CRLF3: variants seen among roughly 807,000 people sequenced by gnomAD.
CRLF3 encodes cytokine receptor like factor 3.
A neutral mutation model predicts 55.0 loss-of-function variants in CRLF3; 33 were observed. That is an observed-to-expected ratio of 0.60 (90% CI 0.46 to 0.80). The LOEUF is 0.80. Among genes scored for constraint, CRLF3 ranks in the 30% least tolerant of loss-of-function variants. The probability of loss-of-function intolerance (pLI) is 0.00; values close to 1 mark genes in which losing one functional copy is unlikely to be tolerated. For missense variants in CRLF3, 494 were observed against 538.4 expected, an observed-to-expected ratio of 0.92 and a Z score of 0.82; for synonymous variants, 238 against 196.8, an observed-to-expected ratio of 1.21 and a Z score of -1.75.
chr17:30,803,126 C>T lies in CRLF3; in HGVS notation c.337+775G>A, dbSNP rs540805565. On this transcript the variant is annotated intron_variant, in intron 2 of 7. Transcript: ENST00000324238. ...ACTGCAGTGAGCTCTGACAGCACCACTGCACTCCAGCCTGGGCAACAGAGC... is the reference window on the plus strand; with the variant it reads ...ACTGCAGTGAGCTCTGACAGCACCATTGCACTCCAGCCTGGGCAACAGAGC... Among the ~76,000 whole-genome samples, 512 of 151,512 alleles carry T rather than the reference C, an allele frequency of 3.4e-3. 4 individuals carry two copies. The highest frequency in any genetic ancestry group is 2.1e-3 in the Non-Finnish European group (141 of 67,892).
intron 1 of CRLF3, among the ~76,000 whole-genome samples, chr17:30,821,595 C>T (rs942308992): frequency 7.2e-5 from 11 of 152,044 alleles, no homozygotes; most frequent in Admixed American, 7.2e-4. Context: ...ATTATTCAGC[C>T]ATAAAAAGGT....
At chr17:30,814,559 A>C (rs1904724933) in intron 1 of CRLF3, among the ~76,000 whole-genome samples, 1 of 151,766 alleles carries the variant, frequency 6.6e-6, no homozygotes, top group Admixed American at 6.6e-5. Context: ...CAGGAGGCTG[A>C]GGCAGGAGAA....
intron 1 of CRLF3, among the ~76,000 whole-genome samples, chr17:30,824,213 A>G (rs1261698523): frequency 6.7e-6 from 1 of 148,944 alleles, no homozygotes; most frequent in Admixed American, 6.7e-5. Flanking sequence ...CACTACCCGC[A>G]TGACCCCCTC....
intron 6 of CRLF3, among the ~76,000 whole-genome samples, chr17:30,791,206 G>T (rs1421043358): frequency 6.6e-6 from 1 of 152,012 alleles, no homozygotes; most frequent in Non-Finnish European, 1.5e-5. Flanking sequence ...TAGTTGCTGG[G>T]ATTACAGGTG....
At chr17:30,798,989 A>T (rs574441129) in intron 2 of CRLF3, among the ~76,000 whole-genome samples, 1 of 152,294 alleles carries the variant, frequency 6.6e-6, no homozygotes, top group South Asian at 2.1e-4. Flanking sequence ...ATTAAAAAAC[A>T]TAGGCCAGGC....
At chr17:30,805,219 G>T (rs1057111341) in intron 1 of CRLF3, among the ~76,000 whole-genome samples, 3 of 151,966 alleles carry the variant, frequency 2.0e-5, no homozygotes, top group African/African-American at 7.2e-5. Flanking sequence ...TCATGGAGTT[G>T]CTGTGAGGAT....
intron 1 of CRLF3, among the ~76,000 whole-genome samples, chr17:30,814,835 C>T (rs1904734723): frequency 6.6e-6 from 1 of 151,856 alleles, no homozygotes; most frequent in Non-Finnish European, 1.5e-5. Context: ...AACCCCATCT[C>T]TACTAAAAAT....
intron 6 of CRLF3, among the ~76,000 whole-genome samples, chr17:30,791,771 C>G (rs1971807215): frequency 1.3e-5 from 2 of 151,994 alleles, no homozygotes; most frequent in Non-Finnish European, 2.9e-5. Flanking sequence ...CCGCCTCAGC[C>G]TCCCAAAGTG....
intron 1 of CRLF3, chr17:30,810,013 C>A (rs1904562420): frequency 6.6e-6 from 1 of 152,172 alleles, no homozygotes; most frequent in Non-Finnish European, 1.5e-5. Context: ...GCTAAAGACA[C>A]TTCTTGGTAT....
chr17:30,794,123 T>G (rs112469916), intron 4 of CRLF3, among the ~76,000 whole-genome samples: 230 of 152,278 alleles, frequency 1.5e-3, no homozygotes, highest in African/African-American at 4.9e-3. Flanking sequence ...CGTGAGACAC[T>G]GCGCCTGGGC....
intron 1 of CRLF3, among the ~76,000 whole-genome samples, chr17:30,816,163 T>G (rs756818001): frequency 6.6e-6 from 1 of 150,572 alleles, no homozygotes; most frequent in African/African-American, 2.4e-5. Flanking sequence ...GCACCTGTAG[T>G]CCCAGCTACT....
intron 7 of CRLF3, among the ~76,000 whole-genome samples, chr17:30,785,596 A>G (rs527291002): frequency 2.0e-5 from 3 of 151,856 alleles, no homozygotes; most frequent in African/African-American, 7.2e-5. Flanking sequence ...CACCTGGGCA[A>G]CAACTTATCT....
chr17:30,812,760 G>T (rs771210540), intron 1 of CRLF3, among the ~76,000 whole-genome samples: 40 of 152,082 alleles, frequency 2.6e-4, no homozygotes, highest in Non-Finnish European at 5.4e-4. Context: ...CCAGTTCCAG[G>T]CCTCATCCTT....
intron 4 of CRLF3, among the ~76,000 whole-genome samples, chr17:30,795,768 T>C (rs1971906902): frequency 6.6e-6 from 1 of 151,950 alleles, no homozygotes; most frequent in South Asian, 2.1e-4. Context: ...AAACCTCGTC[T>C]CTACAAAAAA....
chr17:30,801,799 G>A (rs1972010841), intron 2 of CRLF3, among the ~76,000 whole-genome samples: 1 of 151,768 alleles, frequency 6.6e-6, no homozygotes, highest in South Asian at 2.1e-4. Context: ...CAAATAGGCA[G>A]GGTCATTTTT....
At chr17:30,823,027 G>T (rs1244744718) in intron 1 of CRLF3, among the ~76,000 whole-genome samples, 1 of 152,088 alleles carries the variant, frequency 6.6e-6, no homozygotes, top group Non-Finnish European at 1.5e-5. Context: ...CCACTAAAAT[G>T]CAAATGATGT....
chr17:30,783,929 T>C lies in CRLF3; in HGVS notation c.*258A>G, dbSNP rs1334879174. The C allele has an allele frequency of 1.0e-5, 4 of 400,450 alleles. No individual in the cohort carries two copies. Among genetic ancestry groups the C allele is most frequent in the African/African-American group, 4.1e-5 (2 of 48,778 alleles). The allele number at this position is 400,450 out of a possible 1,614,324, so 24.8% of individuals were successfully genotyped here. A position where few individuals can be genotyped will look rare whatever the true frequency, so the allele number is the denominator to read the frequency against. Reference sequence around the variant, plus strand: ...GGTATAGAACTTCCTATATCTTCTATACTTTTAATGCCAATTTGATTTTTA... The same window carrying C: ...GGTATAGAACTTCCTATATCTTCTACACTTTTAATGCCAATTTGATTTTTA... On this transcript the variant is annotated 3_prime_UTR_variant, in exon 8 of 8. Transcript: ENST00000324238.
chr17:30,787,762 G>A (rs1971680983), intron 6 of CRLF3: 1 of 152,296 alleles, frequency 6.6e-6, no homozygotes, highest in South Asian at 2.1e-4. Context: ...CACTTTGGGA[G>A]GCCAAGGAGG....
intron 1 of CRLF3, among the ~76,000 whole-genome samples, chr17:30,807,333 G>A (rs1036833501): frequency 6.7e-6 from 1 of 150,352 alleles, no homozygotes; most frequent in Admixed American, 6.6e-5. Context: ...AGTTAATATA[G>A]AGATTTAAAA....
Sources: gnomAD v4.1 joint callset for allele counts (sites outside exome capture counted in the v4.1 genomes callset) on GRCh38, gnomAD v4.1.1 for gene constraint, MANE v1.5 for transcripts, NCBI Gene and HGNC (gene_info 2026-07-23, HGNC 2026-07-21) for gene names.